Variants in CACNA1C observed in about 807,000 individuals in gnomAD.
CACNA1C encodes the protein voltage-dependent L-type calcium channel subunit alpha-1C.
Under a neutral mutation model 229.0 loss-of-function variants are expected in CACNA1C, and 30 were observed. The observed-to-expected ratio is 0.13, with a 90% CI of 0.10 to 0.18. CACNA1C has a LOEUF of 0.18. Ranked by LOEUF, CACNA1C falls within the 10% of genes least tolerant of loss-of-function variation. The pLI is 1.00. For synonymous variants in CACNA1C, 1,114 were observed against 1,132.5 expected (o/e 0.98, Z 0.33); for missense variants, 1,658 against 2,845.0 (o/e 0.58, Z 9.49).
chr12:2,677,971 A>G lies in CACNA1C; in HGVS notation c.5091+104A>G. The G allele has an allele frequency of 1.5e-6, 2 of 1,338,240 alleles. No individual in the cohort carries two copies. The highest frequency in any genetic ancestry group is 2.3e-5 in the East Asian group (1 of 43,154). 82.9% of individuals were successfully genotyped at this position (1,338,240 alleles called of 1,614,324 possible). A position where few individuals can be genotyped will look rare whatever the true frequency, so the allele number is the denominator to read the frequency against. ...AACGTCCAGGGGAAGGAGCTGCACC[A>G]GAGGAAAGGGCTACTTCCAGGCTCT... On this transcript the variant is annotated intron_variant, in intron 41 of 46. Transcript: ENST00000399655. The surrounding 1 kb of genome is among the most constrained non-coding windows in gnomAD (Gnocchi z 7.4).
intron 3 of CACNA1C, among the ~76,000 whole-genome samples, chr12:2,240,277 A>G (rs534950378): frequency 6.6e-6 from 1 of 152,234 alleles, no homozygotes; most frequent in Admixed American, 6.5e-5. Context: ...TGCTGGAGTT[A>G]AAGGTGGATG....
At chr12:2,485,637 C>G (rs1018548630) in intron 5 of CACNA1C, among the ~76,000 whole-genome samples, 1 of 152,198 alleles carries the variant, frequency 6.6e-6, no homozygotes, top group Non-Finnish European at 1.5e-5. Context: ...TATCTTCACA[C>G]TGTTGTACAA....
At chr12:2,610,863 T>G (rs2077309961) in intron 28 of CACNA1C, among the ~76,000 whole-genome samples, 164 bp downstream of exon 28, 1 of 152,218 alleles carries the variant, frequency 6.6e-6, no homozygotes, top group South Asian at 2.1e-4. Flanking sequence ...TGCTCCTCTC[T>G]GGGCCTTACG....
intron 3 of CACNA1C, among the ~76,000 whole-genome samples, chr12:2,218,636 T>C (rs1387774855): frequency 6.6e-6 from 1 of 152,122 alleles, no homozygotes; most frequent in Non-Finnish European, 1.5e-5. Context: ...GGAAATTGAG[T>C]TAGGATGGCT....
At chr12:2,572,297 TTCC>T (rs144703116) in intron 13 of CACNA1C, among the ~76,000 whole-genome samples, 97 of 111,826 alleles carry the variant, frequency 8.7e-4, no homozygotes, top group Middle Eastern at 6.0e-3. Flanking sequence ...TTGATTATTA[TTCC>T]TCCTCCTCCT....
rs926839454 is a variant in CACNA1C at position 2,515,226 on chromosome 12, A to G, written c.1390+2242A>G. 3.9e-5 allele frequency among the ~76,000 whole-genome samples: 6 copies of G among 152,340 alleles called. No individual in the cohort carries two copies. The East Asian group carries it at 9.6e-4, about 24-fold the overall frequency. On this transcript the variant is annotated intron_variant, in intron 9 of 46. Coordinates refer to ENST00000399655, the MANE Select transcript of CACNA1C (RefSeq NM_000719.7). ...AAGCAAGATGTAGAGAGTAAGATAG[A>G]CACATGCAATGAAGTGGAACGTGAG...
At chr12:2,529,987 C>T (rs951489079) in intron 9 of CACNA1C, among the ~76,000 whole-genome samples, 3 of 152,206 alleles carry the variant, frequency 2.0e-5, no homozygotes, top group Non-Finnish European at 4.4e-5. Flanking sequence ...GGTTTGATTT[C>T]GTCCATTATG....
In CACNA1C at chr12:2,310,093, A is replaced by G. The variant is rs1055735680; in HGVS notation, c.478-138883A>G. On this transcript the variant is annotated intron_variant, in intron 3 of 46. Coordinates refer to ENST00000399655, the MANE Select transcript of CACNA1C (RefSeq NM_000719.7). ...GAGCTGCTCAGCTCACTGGTTGGCT[A>G]CGAAGCGGAACACTTGCCATACAAA... is the stretch of plus-strand genomic sequence containing the variant. 9.2e-5 allele frequency among the ~76,000 whole-genome samples: 14 copies of G among 152,294 alleles called. 1 individual carries two copies. In the South Asian group the frequency reaches 2.9e-3, roughly 32 times the overall value.
At chr12:2,147,580 G>T (rs144918309) in intron 3 of CACNA1C, among the ~76,000 whole-genome samples, 2 of 151,416 alleles carry the variant, frequency 1.3e-5, no homozygotes, top group East Asian at 3.9e-4. Flanking sequence ...AAGCAGAAAG[G>T]TGAGAGAGTG....
At chr12:2,558,233 A>G (rs720722) in intron 11 of CACNA1C, among the ~76,000 whole-genome samples, 99,978 of 152,108 alleles carry the variant, frequency 0.66, 34,113 homozygotes, top group Non-Finnish European at 0.74. Flanking sequence ...CTGGTCCTAG[A>G]AGCCACGCGA....
At chr12:2,174,841 A>G (rs527824951) in intron 3 of CACNA1C, among the ~76,000 whole-genome samples, 2 of 152,366 alleles carry the variant, frequency 1.3e-5, no homozygotes, top group South Asian at 4.1e-4. Context: ...AGCAAATGTC[A>G]TTAAGAAAAT....
Position 2,651,341 on chromosome 12 carries a change from C to T in CACNA1C, c.3946-299C>T, listed in dbSNP as rs746444790. 2.1e-5 allele frequency: 11 copies of T among 512,320 alleles called. No individual in the cohort carries two copies. Among genetic ancestry groups the T allele is most frequent in the Non-Finnish European group, 3.1e-5 (9 of 287,630 alleles). 31.7% of individuals were successfully genotyped at this position (512,320 alleles called of 1,614,324 possible). A position where few individuals can be genotyped will look rare whatever the true frequency, so the allele number is the denominator to read the frequency against. On this transcript the variant is annotated intron_variant, in intron 31 of 46. Transcript: ENST00000399655. This position sits in a 1 kb window ranked among gnomAD's most constrained non-coding sequence, Gnocchi z 5.4. ...AGCCTATGGTAGTTCCTGATGGAGTCGTCTGTCCTCCATCCAGGGCATTAA... is the reference window on the plus strand; with the variant it reads ...AGCCTATGGTAGTTCCTGATGGAGTTGTCTGTCCTCCATCCAGGGCATTAA...
At chr12:2,221,240 G>A (rs1453995679) in intron 3 of CACNA1C, among the ~76,000 whole-genome samples, 1 of 152,192 alleles carries the variant, frequency 6.6e-6, no homozygotes, top group Non-Finnish European at 1.5e-5. Context: ...GAGAGGGAGT[G>A]CTAGATCATG....
intron 3 of CACNA1C, among the ~76,000 whole-genome samples, chr12:2,211,885 A>AT (rs1395026478): frequency 2.6e-5 from 4 of 151,024 alleles, no homozygotes; most frequent in African/African-American, 9.7e-5. Flanking sequence ...CTCCCGGCTA[A>AT]TTTTTTTGTA....
At chr12:2,546,709 C>T (rs2099881882) in intron 9 of CACNA1C, among the ~76,000 whole-genome samples, 1 of 152,266 alleles carries the variant, frequency 6.6e-6, no homozygotes, top group African/African-American at 2.4e-5. Context: ...AATTCTTCTT[C>T]CTTATTTACA....
intron 1 of CACNA1C, among the ~76,000 whole-genome samples, chr12:2,106,649 G>C (rs2078835925): frequency 1.3e-5 from 1 of 75,686 alleles, no homozygotes; most frequent in Non-Finnish European, 3.2e-5. Flanking sequence ...GCCCACCCCG[G>C]GGAGGGTTTC....
chr12:2,008,765 C>G (rs2043904529), intron 1 of CACNA1C, among the ~76,000 whole-genome samples: 1 of 152,162 alleles, frequency 6.6e-6, no homozygotes, highest in South Asian at 2.1e-4. Flanking sequence ...AAATCATACT[C>G]AGAGAAAAAA....
rs1005993451 is a variant in CACNA1C, at chr12:2,559,398, G to A, written c.1508+2421G>A. ...CATTATTTTCATCCAGTGATCTATG[G>A]TGCAAACTGTGCTTTTCAACAAGAG... On this transcript the variant is annotated intron_variant, in intron 11 of 46. Coordinates refer to ENST00000399655, the MANE Select transcript of CACNA1C (RefSeq NM_000719.7). Among the ~76,000 whole-genome samples the A allele has an allele frequency of 2.6e-5, 4 of 152,332 alleles. 1 individual carries two copies. Among genetic ancestry groups the A allele is most frequent in the African/African-American group, 2.4e-5 (1 of 41,558 alleles).
At chr12:2,499,795 A>G (rs1176110920) in intron 7 of CACNA1C, among the ~76,000 whole-genome samples, 2 of 151,782 alleles carry the variant, frequency 1.3e-5, no homozygotes, top group Non-Finnish European at 2.9e-5. Context: ...GGTGTCAGCA[A>G]TCTGGGTCAT....
Sources: allele counts gnomAD v4.1 joint callset (sites outside exome capture counted in the v4.1 genomes callset), GRCh38; gene constraint gnomAD v4.1.1; non-coding constraint Gnocchi (gnomAD v3.1); transcripts MANE v1.5; gene names NCBI Gene and HGNC (gene_info 2026-07-23, HGNC 2026-07-21).